OTUD6B: variants seen among roughly 807,000 people sequenced by gnomAD.
OTUD6B encodes OTU deubiquitinase 6B.
A neutral mutation model predicts 36.9 loss-of-function variants in OTUD6B; 41 were observed. That is an observed-to-expected ratio of 1.11 (90% confidence interval 0.87 to 1.44). The LOEUF is 1.44. Ranked by LOEUF, OTUD6B falls within the 40% of genes most tolerant of loss-of-function variation. The probability of loss-of-function intolerance (pLI) is 0.00; values close to 1 mark genes in which losing one functional copy is unlikely to be tolerated. For missense variants in OTUD6B, 356 were observed against 344.8 expected, an observed-to-expected ratio of 1.03 and a Z score of -0.26; for synonymous variants, 114 against 114.2, an observed-to-expected ratio of 1.00 and a Z score of 0.01.
chr8:91,084,227 C>T, intron 6 of OTUD6B, 113 bp downstream of exon 6: 3 of 640,134 alleles, frequency 4.7e-6, no homozygotes, highest in Non-Finnish European at 2.6e-6. Flanking sequence ...TTTTTTAAAC[C>T]TCTAGCGATT....
chr8:91,080,700 A>G lies in OTUD6B; in HGVS notation c.660A>G (p.Val220=), dbSNP rs751950925. 1.7e-5 allele frequency: 28 copies of G among 1,604,304 alleles called. No individual in the cohort carries two copies. In the Admixed American group the frequency reaches 4.6e-4, roughly 26 times the overall value. Residue 220 remains valine (V), a synonymous_variant, in exon 5 of 7, where the codon GTA becomes GTG. Transcript: ENST00000404789. ...EEFQKYCEDI[V]NTAAWGGQLE... The stretch of plus-strand genomic sequence containing the variant: ...TTCAGAAGTACTGTGAAGATATTGT[A>G]AACACAGCTGCATGGGGAGGTCAGC...
At position 91,085,651 on chromosome 8, in the gene OTUD6B, A is replaced by T. The variant is rs1379362575; in HGVS notation, c.*783A>T. The T allele has an allele frequency of 6.6e-6, 1 of 152,034 alleles. No homozygotes were observed. Among genetic ancestry groups the T allele is most frequent in the East Asian group, 1.9e-4 (1 of 5,182 alleles). The allele number at this position is 152,034 out of a possible 1,614,324, so 9.4% of individuals were successfully genotyped here. A position where few individuals can be genotyped will look rare whatever the true frequency, so the allele number is the denominator to read the frequency against. Reference sequence around the variant, plus strand: ...ATTTTTTAAGCATCGGACTGGAGTTAGTACCATCATCTCTTGAGTCTTTCA... The same window carrying T: ...ATTTTTTAAGCATCGGACTGGAGTTTGTACCATCATCTCTTGAGTCTTTCA... On this transcript the variant is annotated 3_prime_UTR_variant, in exon 7 of 7. Coordinates refer to ENST00000404789, the MANE Select transcript of OTUD6B (RefSeq NM_016023.5).
At chr8:91,071,364 C>CT (rs5893159) in intron 2 of OTUD6B, 75 bp downstream of exon 2, 27,027 of 813,740 alleles carry the variant, frequency 0.033, 55 homozygotes, top group African/African-American at 0.048. Context: ...TGTTAAACTG[C>CT]TTTTTTTTTT....
intron 2 of OTUD6B, among the ~76,000 whole-genome samples, chr8:91,073,079 A>G (rs575496571): frequency 6.6e-6 from 1 of 152,102 alleles, no homozygotes; most frequent in South Asian, 2.1e-4. Flanking sequence ...TGAAGTCTCT[A>G]TCTGATTTTG....
chr8:91,072,931 C>T (rs1812727181), intron 2 of OTUD6B, among the ~76,000 whole-genome samples: 1 of 152,136 alleles, frequency 6.6e-6, no homozygotes, highest in Admixed American at 6.5e-5. Context: ...CTACCAAAAA[C>T]TAATGCCATT....
Position 91,078,418 on chromosome 8 carries a change from C to T in OTUD6B, c.378C>T (p.Asn126=). ...EERIAEAEIE[N]LTGARHMESE... ...GGATAGCTGAAGCTGAAATTGAAAA[C>T]TTAACAGGAGCCAGACATATGGAAA... is the stretch of plus-strand genomic sequence containing the variant. The change falls in exon 4 of 7, where the codon AAC becomes AAT. Residue 126 remains asparagine, a synonymous_variant. Transcript: ENST00000404789. The T allele has an allele frequency of 6.3e-7, 1 of 1,597,230 alleles. No homozygotes were observed. Among genetic ancestry groups the T allele is most frequent in the Non-Finnish European group, 8.5e-7 (1 of 1,171,044 alleles).
intron 3 of OTUD6B, among the ~76,000 whole-genome samples, chr8:91,075,432 G>A (rs1328031170): frequency 2.0e-5 from 3 of 151,880 alleles, no homozygotes; most frequent in African/African-American, 7.3e-5. Context: ...ATTTAATTCT[G>A]GAAAACCTAA....
chr8:91,083,490 A>G (rs1170195083), intron 5 of OTUD6B, among the ~76,000 whole-genome samples: 1 of 152,156 alleles, frequency 6.6e-6, no homozygotes, highest in African/African-American at 2.4e-5. Context: ...ATTTGATTTA[A>G]TAAATACAAG....
chr8:91,086,151 G>A lies in OTUD6B; in HGVS notation c.*1283G>A, dbSNP rs1813010979. 1 of 152,050 alleles carries A rather than the reference G, an allele frequency of 6.6e-6. No individual in the cohort carries two copies. 9.4% of individuals were successfully genotyped at this position (152,050 alleles called of 1,614,324 possible). A position where few individuals can be genotyped will look rare whatever the true frequency, so the allele number is the denominator to read the frequency against. On this transcript the variant is annotated 3_prime_UTR_variant, in exon 7 of 7. Coordinates refer to ENST00000404789, the MANE Select transcript of OTUD6B (RefSeq NM_016023.5). ...AAATGAGACTTTTTTAGTTTGATGT[G>A]TGTTTCCCAAACTAGAGATAAAACT...
At chr8:91,084,751 A>G (rs1428150560) in intron 6 of OTUD6B, 33 bp from the exon 7 acceptor site, 2 of 1,437,942 alleles carry the variant, frequency 1.4e-6, no homozygotes, top group Middle Eastern at 1.9e-4. Context: ...GCTTTCATCA[A>G]AACTACTCAT....
intron 2 of OTUD6B, among the ~76,000 whole-genome samples, chr8:91,072,829 A>G (rs1021570012): frequency 3.3e-5 from 5 of 152,214 alleles, no homozygotes; most frequent in Non-Finnish European, 4.4e-5. Flanking sequence ...TTCATAAGCT[A>G]CATGGAGTCC....
intron 2 of OTUD6B, among the ~76,000 whole-genome samples, chr8:91,071,873 C>T (rs921771664): frequency 6.6e-5 from 10 of 152,136 alleles, no homozygotes; most frequent in Admixed American, 5.9e-4. Flanking sequence ...CATCTGATCC[C>T]AGAATTGCGA....
chr8:91,076,546 T>C, intron 3 of OTUD6B: 1 of 1,525,966 alleles, frequency 6.6e-7, no homozygotes, highest in Non-Finnish European at 8.8e-7. Context: ...GTACATGACA[T>C]CATTAACTCC....
intron 1 of OTUD6B, 65 bp from the exon 2 acceptor site, chr8:91,071,073 G>A: frequency 1.3e-6 from 2 of 1,577,930 alleles, no homozygotes; most frequent in Non-Finnish European, 1.7e-6. Context: ...TCCCCTTATT[G>A]GTTCCTGTTT....
At chr8:91,078,941 A>C (rs866683984) in intron 4 of OTUD6B, 14 of 249,604 alleles carry the variant, frequency 5.6e-5, no homozygotes, top group Middle Eastern at 1.3e-3. Context: ...TTTTTGAAAA[A>C]AATGTAAGTT....
chr8:91,078,049 T>C (rs918376329), intron 3 of OTUD6B, among the ~76,000 whole-genome samples: 3 of 152,200 alleles, frequency 2.0e-5, no homozygotes, highest in Admixed American at 2.0e-4. Flanking sequence ...CTTAAGAGAA[T>C]ACTTTGAAAT....
At position 91,086,844 on chromosome 8, in the gene OTUD6B, A is replaced by T. The variant is rs766189914; in HGVS notation, c.*1976A>T. 1 of 152,122 alleles carries T rather than the reference A, an allele frequency of 6.6e-6. No individual in the cohort carries two copies. The highest frequency in any genetic ancestry group is 2.4e-5 in the African/African-American group (1 of 41,470). 9.4% of individuals were successfully genotyped at this position (152,122 alleles called of 1,614,324 possible). A position where few individuals can be genotyped will look rare whatever the true frequency, so the allele number is the denominator to read the frequency against. ...TGACAGATGTTAATTTAAAAGCAGC[A>T]TATGCTAATTTACTTTTTCATATGA... On this transcript the variant is annotated 3_prime_UTR_variant, in exon 7 of 7. Coordinates refer to ENST00000404789, the MANE Select transcript of OTUD6B (RefSeq NM_016023.5).
chr8:91,070,790 C>T (rs1812678525), intron 1 of OTUD6B, among the ~76,000 whole-genome samples: 1 of 151,954 alleles, frequency 6.6e-6, no homozygotes, highest in South Asian at 2.1e-4. Flanking sequence ...CCCCAGTTAC[C>T]GATACTTGTC....
At position 91,085,056 on chromosome 8, in the gene OTUD6B, A is replaced by G; in HGVS notation, c.*188A>G. Reference sequence around the variant, plus strand: ...CTTTAACCAGTGTCTTCTTAGTGGAATTTTAAAAATTTGTTAAGTTCATTG... The same window carrying G: ...CTTTAACCAGTGTCTTCTTAGTGGAGTTTTAAAAATTTGTTAAGTTCATTG... On this transcript the variant is annotated 3_prime_UTR_variant, in exon 7 of 7. Coordinates refer to ENST00000404789, the MANE Select transcript of OTUD6B (RefSeq NM_016023.5). 3.0e-6 allele frequency: 1 copy of G among 336,176 alleles called. No individual in the cohort carries two copies. The highest frequency in any genetic ancestry group is 5.5e-6 in the Non-Finnish European group (1 of 182,262). 20.8% of individuals were successfully genotyped at this position (336,176 alleles called of 1,614,324 possible). A position where few individuals can be genotyped will look rare whatever the true frequency, so the allele number is the denominator to read the frequency against.
Sources: allele counts gnomAD v4.1 joint callset (sites outside exome capture counted in the v4.1 genomes callset), GRCh38; gene constraint gnomAD v4.1.1; transcripts MANE v1.5; gene names NCBI Gene and HGNC (gene_info 2026-07-23, HGNC 2026-07-21).